CIDEB: variants seen among roughly 807,000 people sequenced by gnomAD.
CIDEB encodes lipid transferase CIDEB.
Under a neutral mutation model 22.4 loss-of-function variants are expected in CIDEB, and 27 were observed. The ratio of observed to expected loss-of-function variants is 1.21; its 90% CI spans 0.89 to 1.66. The LOEUF (loss-of-function observed/expected upper bound fraction) is 1.66, where lower values mean the gene tolerates loss of function less well. CIDEB is among the 40% of genes most tolerant of loss of function. The pLI is 0.00. For synonymous variants in CIDEB, 103 were observed against 109.5 expected, an observed-to-expected ratio of 0.94 and a Z score of 0.37; for missense variants, 289 against 268.7, an observed-to-expected ratio of 1.08 and a Z score of -0.53.
intron 2 of CIDEB, chr14:24,307,065 C>T: frequency 3.3e-6 from 1 of 303,252 alleles, no homozygotes; most frequent in Non-Finnish European, 6.2e-6. Flanking sequence ...GTTTGACAGG[C>T]AGGAAGTGGC....
rs61737107 is a variant in CIDEB at position 24,307,515 on chromosome 14, C to T, written c.42G>A (p.Arg14=). Residue 14 remains arginine, a splice_region_variant and synonymous_variant, in exon 2 of 5, where the codon AGG becomes AGA. Transcript: ENST00000554411. ...ACTCCGAGCTTATATTAGATACTGACCTGGTAGTTGAGAAGAAAAGTCAAG... is the reference window on the plus strand; with the variant it reads ...ACTCCGAGCTTATATTAGATACTGATCTGGTAGTTGAGAAGAAAAGTCAAG... ...LSALNPSDLL[R]SVSNISSEFG... 1,589 of 1,612,330 alleles carry T rather than the reference C, an allele frequency of 9.9e-4. 13 individuals carry two copies. In the African/African-American group the frequency reaches 0.017, roughly 17 times the overall value.
chr14:24,311,401 T>C (rs373569884), upstream of CIDEB: 45 of 1,602,032 alleles, frequency 2.8e-5, no homozygotes, highest in Non-Finnish European at 3.8e-5. Flanking sequence ...GTCAACCTTC[T>C]GCAGGCGGTC....
rs2041465066 is a variant in CIDEB at position 24,305,386 on chromosome 14, T to C, written c.*247A>G. On this transcript the variant is annotated 3_prime_UTR_variant, in exon 5 of 5. Transcript: ENST00000554411. ...AGATGCCTGGGGGACATCTTGATCT[T>C]GGCCTTTCAGGGCAAGTGGGAGGCC... 5 of 578,386 alleles carry C rather than the reference T, an allele frequency of 8.6e-6. No homozygotes were observed. The highest frequency in any genetic ancestry group is 1.5e-5 in the Non-Finnish European group (5 of 344,164). 35.8% of individuals were successfully genotyped at this position (578,386 alleles called of 1,614,324 possible).
At chr14:24,307,571 AG>A (rs2041555658) in intron 1 of CIDEB, 56 bp from the exon 2 acceptor site, 1 of 1,575,706 alleles carries the variant, frequency 6.3e-7, no homozygotes, top group Non-Finnish European at 8.7e-7. Context: ...GTGAGTGTAA[AG>A]GGCATGATGA....
upstream of CIDEB, chr14:24,310,824 C>T (rs757417410): frequency 1.3e-5 from 20 of 1,592,574 alleles, no homozygotes; most frequent in Middle Eastern, 1.7e-4. Flanking sequence ...TGCACGGGGG[C>T]GACCGCTGGC....
rs541978274 is a variant in CIDEB at position 24,306,604 on chromosome 14, G to A, written c.187-81C>T. On this transcript the variant is annotated intron_variant, in intron 2 of 4. Coordinates refer to ENST00000554411, the MANE Select transcript of CIDEB (RefSeq NM_001393339.1). ...TTAGCTGCCCAACATCCATCAGTTGGCTCTAGACATTGGTCGATGTCCCAC... is the reference window on the plus strand; with the variant it reads ...TTAGCTGCCCAACATCCATCAGTTGACTCTAGACATTGGTCGATGTCCCAC... 1.3e-5 allele frequency: 21 copies of A among 1,577,628 alleles called. No homozygotes were observed. The South Asian group carries it at 2.0e-4, about 15-fold the overall frequency.
Position 24,307,457 on chromosome 14 carries a change from G to T in CIDEB, c.100C>A (p.Pro34Thr). 1 of 1,614,182 alleles carries T rather than the reference G, an allele frequency of 6.2e-7. No homozygotes were observed. The highest frequency in any genetic ancestry group is 8.5e-7 in the Non-Finnish European group (1 of 1,180,014). Residue 34 changes from proline (P) to threonine (T), a missense_variant, in exon 2 of 5, where the codon CCC (proline) becomes ACC (threonine). Physicochemically the swap from Pro to Thr is conservative, Grantham distance 38. Coordinates refer to ENST00000554411, the MANE Select transcript of CIDEB (RefSeq NM_001393339.1). ...GRRVWTSAPPPQRPFRVCDHK... is the reference protein window; with the variant it reads ...GRRVWTSAPPTQRPFRVCDHK... ...TCACAGACACGGAAAGGTCGCTGGG[G>T]TGGTGGAGCTGAGGTCCAGACCCTC...
upstream of CIDEB, chr14:24,311,180 C>A: frequency 6.2e-7 from 1 of 1,607,326 alleles, no homozygotes. Context: ...AGCTGTGCCA[C>A]CCGTCGCCGG....
intron 3 of CIDEB, 95 bp from the exon 4 acceptor site, chr14:24,306,232 T>C: frequency 6.6e-7 from 1 of 1,519,740 alleles, no homozygotes; most frequent in East Asian, 2.3e-5. Flanking sequence ...TCGCTTGGAC[T>C]TTCTGTCCAC....
In CIDEB at chr14:24,307,404, C is replaced by T. The variant is rs1349756953; in HGVS notation, c.153G>A (p.Leu51=). The T allele has an allele frequency of 3.7e-6, 6 of 1,613,782 alleles. No homozygotes were observed. In the Admixed American group the frequency reaches 1.0e-4, roughly 27 times the overall value. The change falls in exon 2 of 5, where the codon CTG becomes CTA. Residue 51 remains leucine, a synonymous_variant. Transcript: ENST00000554411. ...GCAGCTCCTGGCGGGTGGCAGCTGT[C>T]AGGCCTTTCCGGATGGTCCGCTTGT... The part of the protein sequence containing the change: ...CDHKRTIRKG[L]TAATRQELLA...
intron 4 of CIDEB, 27 bp from the exon 5 acceptor site, chr14:24,305,792 A>G: frequency 6.2e-7 from 1 of 1,608,518 alleles, no homozygotes; most frequent in Non-Finnish European, 8.5e-7. Context: ...AGAGGAAATC[A>G]GATGATTTGG....
At chr14:24,310,732 G>T, upstream of CIDEB, 1 of 1,612,392 alleles carries the variant, frequency 6.2e-7, no homozygotes. Context: ...CGGGCCACAG[G>T]CACAGCCTTC....
At chr14:24,307,978 G>T, upstream of CIDEB, 1 of 944,080 alleles carries the variant, frequency 1.1e-6, no homozygotes, top group Non-Finnish European at 1.7e-6. Context: ...AGGTGGGAAT[G>T]AGTCAAGCCT....
chr14:24,311,083 G>A (rs1239899940), upstream of CIDEB: 8 of 1,559,966 alleles, frequency 5.1e-6, no homozygotes, highest in African/African-American at 7.0e-5. Context: ...CTGGCCCGCC[G>A]CCTGCTGCTG....
chr14:24,307,170 C>T (rs535207829), intron 2 of CIDEB: 2 of 533,328 alleles, frequency 3.8e-6, no homozygotes, highest in South Asian at 2.8e-5. Flanking sequence ...TCCTGCTAAC[C>T]CCTGCTCCCA....
intron 3 of CIDEB, 27 bp downstream of exon 3, chr14:24,306,347 G>A (rs1333290349): frequency 6.2e-7 from 1 of 1,613,946 alleles, no homozygotes; most frequent in South Asian, 1.1e-5. Context: ...ACAGGCATTG[G>A]AAGCAGCCCC....
rs1375162471 is a variant in CIDEB, at chr14:24,305,914, G to A, written c.527+33C>T. 5 of 1,600,956 alleles carry A rather than the reference G, an allele frequency of 3.1e-6. No homozygotes were observed. In the African/African-American group the frequency reaches 5.4e-5, roughly 17 times the overall value. ...AATTATGGGGACTATCCAACTGTAG[G>A]GGATGGGGCAGTATGACATGTTGAT... On this transcript the variant is annotated intron_variant, in intron 4 of 4. Transcript: ENST00000554411.
chr14:24,311,266 A>G (rs762925143), upstream of CIDEB: 10 of 1,601,960 alleles, frequency 6.2e-6, no homozygotes, highest in Admixed American at 3.4e-5. Context: ...CTCGGCTGCT[A>G]CAGCGTGACG....
upstream of CIDEB, chr14:24,311,131 C>A: frequency 6.3e-7 from 1 of 1,586,254 alleles, no homozygotes; most frequent in Non-Finnish European, 8.5e-7. Flanking sequence ...GCCGTCCCGG[C>A]CGCCGTCTAC....
Sources: allele counts gnomAD v4.1 joint callset, GRCh38; gene constraint gnomAD v4.1.1; transcripts MANE v1.5; gene names NCBI Gene and HGNC (gene_info 2026-07-23, HGNC 2026-07-21).